The following WWOX variants were observed in gnomAD, a reference collection of about 807,000 sequenced individuals.
The protein encoded by WWOX is WW domain containing oxidoreductase.
WWOX carries 69 observed loss-of-function variants against 46.2 expected under a neutral mutation model. The ratio of observed to expected loss-of-function variants is 1.49; its 90% confidence interval spans 1.23 to 1.82. WWOX has a LOEUF of 1.82. Among genes scored for constraint, WWOX ranks in the 40% most tolerant of loss-of-function variants. The pLI is 0.00. For missense variants in WWOX, 919 were observed against 542.6 expected (o/e 1.69, Z -6.89); for synonymous variants, 359 against 202.6 (o/e 1.77, Z -6.56).
chr16:78,989,545 T>A (rs962291364), intron 8 of WWOX, among the ~76,000 whole-genome samples: 17 of 152,242 alleles, frequency 1.1e-4, no homozygotes, highest in Non-Finnish European at 7.4e-5. Flanking sequence ...CCTGTGTGGT[T>A]CAGCTCTCAA....
At chr16:78,243,204 G>T (rs1024745335) in intron 5 of WWOX, among the ~76,000 whole-genome samples, 1 of 151,858 alleles carries the variant, frequency 6.6e-6, no homozygotes, top group African/African-American at 2.4e-5. Flanking sequence ...AGTAATACAC[G>T]TTTCTTCTAT....
intron 8 of WWOX, among the ~76,000 whole-genome samples, chr16:79,202,380 GAAC>G (rs1244478568): frequency 2.0e-5 from 3 of 152,248 alleles, no homozygotes; most frequent in South Asian, 4.1e-4. Flanking sequence ...CACGGTAAAG[GAAC>G]AACAAATAGG....
Position 78,295,713 on chromosome 16 carries a change from A to AAAACAAAC in WWOX, c.517-91119_517-91112dup, listed in dbSNP as rs34994613. Among the ~76,000 whole-genome samples the AAAACAAAC allele has an allele frequency of 9.0e-3, 1,360 of 151,368 alleles. 22 individuals carry two copies. Among genetic ancestry groups the AAAACAAAC allele is most frequent in the East Asian group, 0.073 (367 of 5,054 alleles). ...GTGGCTGAGAAAGACTCAGTCTTAA[A>AAAACAAAC]AAACAAACAAACAAACAAACAAACA... is the stretch of plus-strand genomic sequence containing the variant. On this transcript the variant is annotated intron_variant, in intron 5 of 8. Transcript: ENST00000566780.
intron 8 of WWOX, among the ~76,000 whole-genome samples, chr16:78,862,591 A>T (rs763765688): frequency 6.6e-6 from 1 of 152,162 alleles, no homozygotes; most frequent in Non-Finnish European, 1.5e-5. Context: ...ACCCAGGACA[A>T]CCAATGGTAC....
intron 5 of WWOX, among the ~76,000 whole-genome samples, chr16:78,184,214 G>C (rs1209729664): frequency 1.3e-5 from 2 of 151,608 alleles, no homozygotes; most frequent in African/African-American, 4.8e-5. Context: ...GGTCCCAAAT[G>C]TTCAGTGGCA....
chr16:78,541,432 C>T (rs1378896027), intron 8 of WWOX, among the ~76,000 whole-genome samples: 20 of 143,846 alleles, frequency 1.4e-4, no homozygotes, highest in Non-Finnish European at 2.4e-4. Flanking sequence ...CGAGAGCCCG[C>T]CACTGCACTC....
Position 78,774,496 on chromosome 16 carries a change from T to TTGTGTG in WWOX, c.1056+341775_1056+341780dup, listed in dbSNP as rs58003207. ...CGGGCAGTTTCTTGACAGACCCATT[T>TTGTGTG]TGTGTGTGTGTGTGTGTGTGTGTGT... On this transcript the variant is annotated intron_variant, in intron 8 of 8. Transcript: ENST00000566780. 2.4e-3 allele frequency among the ~76,000 whole-genome samples: 353 copies of TTGTGTG among 149,508 alleles called. 2 individuals are homozygous for TTGTGTG. The highest frequency in any genetic ancestry group is 6.1e-3 in the African/African-American group (245 of 40,416).
At chr16:78,188,581 A>G (rs2035783970) in intron 5 of WWOX, among the ~76,000 whole-genome samples, 1 of 152,144 alleles carries the variant, frequency 6.6e-6, no homozygotes, top group South Asian at 2.1e-4. Context: ...GCTTTACTTG[A>G]AAAATCCCAG....
At chr16:78,964,030 C>A (rs1036856927) in intron 8 of WWOX, among the ~76,000 whole-genome samples, 1 of 152,182 alleles carries the variant, frequency 6.6e-6, no homozygotes, top group Non-Finnish European at 1.5e-5. Context: ...TGAGACCTCC[C>A]CAGCCATGTA....
intron 5 of WWOX, 71 bp from the exon 6 acceptor site, chr16:78,386,789 T>C: frequency 7.5e-7 from 1 of 1,338,222 alleles, no homozygotes. Flanking sequence ...CATAACACAT[T>C]TACTGTAACT....
At chr16:78,676,542 G>C (rs1256165127) in intron 8 of WWOX, among the ~76,000 whole-genome samples, 3 of 152,024 alleles carry the variant, frequency 2.0e-5, no homozygotes, top group Non-Finnish European at 4.4e-5. Flanking sequence ...AAAGTCTACA[G>C]TCTAAAATCA....
intron 5 of WWOX, among the ~76,000 whole-genome samples, chr16:78,359,061 A>T (rs993446080): frequency 1.3e-5 from 2 of 152,106 alleles, no homozygotes; most frequent in East Asian, 3.8e-4. Context: ...TGGGCTAAAT[A>T]AGAAGTTTAA....
At chr16:78,137,964 A>G (rs1201577416) in intron 4 of WWOX, among the ~76,000 whole-genome samples, 1 of 150,850 alleles carries the variant, frequency 6.6e-6, no homozygotes, top group African/African-American at 2.4e-5. Flanking sequence ...TGAAAGGAAC[A>G]GAGTGGGTGA....
intron 8 of WWOX, among the ~76,000 whole-genome samples, chr16:78,570,725 G>C (rs1488278531): frequency 6.6e-6 from 1 of 152,092 alleles, no homozygotes; most frequent in Non-Finnish European, 1.5e-5. Context: ...ATTTCAGTGG[G>C]GGAGCCAGCC....
chr16:78,709,671 G>C (rs553138170), intron 8 of WWOX, among the ~76,000 whole-genome samples: 1 of 151,794 alleles, frequency 6.6e-6, no homozygotes, highest in East Asian at 1.9e-4. Flanking sequence ...GTGATTCCAA[G>C]TCTGCTGATG....
At position 78,109,822 on chromosome 16, in the gene WWOX, G is replaced by A; in HGVS notation, c.217G>A (p.Val73Met). 2 of 1,614,182 alleles carry A rather than the reference G, an allele frequency of 1.2e-6. No homozygotes were observed. The highest frequency in any genetic ancestry group is 1.7e-6 in the Non-Finnish European group (2 of 1,180,032). The change falls in exon 3 of 9, where the codon GTG becomes ATG. Residue 73 changes from valine to methionine, a missense_variant. By Grantham distance (21) the Val-to-Met change is conservative. Coordinates refer to ENST00000566780, the MANE Select transcript of WWOX (RefSeq NM_016373.4). The part of the protein sequence containing the change: ...WEQETDENGQ[V>M]FFVDHINKRT... ...ACAAGAAACTGATGAGAACGGACAA[G>A]TGTTTTTTGTTGAGTAAGTGTCTGC...
At chr16:78,827,442 C>G (rs998567951) in intron 8 of WWOX, among the ~76,000 whole-genome samples, 1 of 148,104 alleles carries the variant, frequency 6.8e-6, no homozygotes, top group East Asian at 2.0e-4. Flanking sequence ...GTCTCGAAGG[C>G]TGTTTTCTGT....
At chr16:78,923,751 C>G (rs994191336) in intron 8 of WWOX, among the ~76,000 whole-genome samples, 2 of 84,238 alleles carry the variant, frequency 2.4e-5, no homozygotes, top group Admixed American at 2.1e-4. Flanking sequence ...ACAAGTTTCA[C>G]AAGTGATGAT....
chr16:78,508,451 C>T (rs1023628008), intron 8 of WWOX, among the ~76,000 whole-genome samples: 1 of 150,292 alleles, frequency 6.7e-6, no homozygotes, highest in Non-Finnish European at 1.5e-5. Flanking sequence ...TAAACAAAAA[C>T]AACACAGCCA....
Sources: allele counts gnomAD v4.1 joint callset (sites outside exome capture counted in the v4.1 genomes callset), GRCh38; gene constraint gnomAD v4.1.1; transcripts MANE v1.5; gene names NCBI Gene and HGNC (gene_info 2026-07-23, HGNC 2026-07-21).